The following CRHBP variants were observed in gnomAD, a reference collection of about 807,000 sequenced individuals.
CRHBP encodes the protein corticotropin-releasing hormone-binding protein.
A neutral mutation model predicts 34.9 loss-of-function variants in CRHBP; 19 were observed. The observed-to-expected ratio is 0.55, with a 90% confidence interval of 0.38 to 0.80. CRHBP has a LOEUF of 0.80. Among genes scored for constraint, CRHBP ranks in the 30% least tolerant of loss-of-function variants. The pLI, the probability that CRHBP is intolerant of heterozygous loss-of-function variation, is 0.00. For missense variants in CRHBP, 328 were observed against 409.2 expected, an observed-to-expected ratio of 0.80 and a Z score of 1.71; for synonymous variants, 154 against 153.4, an observed-to-expected ratio of 1.00 and a Z score of -0.03.
chr5:76,954,309 T>C, intron 3 of CRHBP, 123 bp downstream of exon 3: 2 of 1,193,800 alleles, frequency 1.7e-6, no homozygotes, highest in Non-Finnish European at 2.3e-6. Flanking sequence ...TCTTAGACAC[T>C]TCGCTGGTGC....
intron 6 of CRHBP, among the ~76,000 whole-genome samples, chr5:76,967,845 C>T (rs1475536198): frequency 4.0e-5 from 6 of 151,886 alleles, no homozygotes; most frequent in Middle Eastern, 3.4e-3. Flanking sequence ...ACTACAGGTG[C>T]GCACCACCAT....
intron 3 of CRHBP, among the ~76,000 whole-genome samples, chr5:76,979,008 G>T (rs928954284): frequency 1.3e-5 from 2 of 152,200 alleles, no homozygotes; most frequent in African/African-American, 4.8e-5. Flanking sequence ...AATTGCCACA[G>T]CTGTTCCAGC....
chr5:76,957,662 G>A (rs1454125353), intron 4 of CRHBP, among the ~76,000 whole-genome samples: 1 of 152,146 alleles, frequency 6.6e-6, no homozygotes, highest in Non-Finnish European at 1.5e-5. Context: ...GGGATTACAG[G>A]CGTGAGCCAC....
intron 4 of CRHBP, among the ~76,000 whole-genome samples, chr5:76,957,414 T>C (rs961350236): frequency 4.6e-5 from 7 of 152,190 alleles, no homozygotes; most frequent in African/African-American, 1.7e-4. Context: ...TGAGACGGAG[T>C]GTTGCTCTGT....
At chr5:76,974,870 A>G (rs1746001722) in intron 2 of CRHBP, among the ~76,000 whole-genome samples, 1 of 152,224 alleles carries the variant, frequency 6.6e-6, no homozygotes, top group Non-Finnish European at 1.5e-5. Context: ...AAGCTTGATT[A>G]GAGGATTTGA....
chr5:76,978,463 G>A (rs1746072770), intron 3 of CRHBP, among the ~76,000 whole-genome samples: 1 of 152,170 alleles, frequency 6.6e-6, no homozygotes, highest in South Asian at 2.1e-4. Flanking sequence ...GAACAACAAA[G>A]CCTGGATGAT....
chr5:76,958,112 T>C (rs1246700506), intron 4 of CRHBP, among the ~76,000 whole-genome samples: 1 of 151,434 alleles, frequency 6.6e-6, no homozygotes, highest in Non-Finnish European at 1.5e-5. Context: ...TGAGCTGAGA[T>C]GGTGCCACTG....
intron 6 of CRHBP, among the ~76,000 whole-genome samples, chr5:76,968,007 G>T (rs994074916): frequency 1.3e-5 from 2 of 151,700 alleles, no homozygotes; most frequent in African/African-American, 2.4e-5. Context: ...GAATAAGATT[G>T]GATTTAAGAG....
At chr5:76,953,726 C>A in intron 2 of CRHBP, 32 bp downstream of exon 2, 2 of 1,570,542 alleles carry the variant, frequency 1.3e-6, no homozygotes, top group South Asian at 1.2e-5. Context: ...CGCGGGCGCC[C>A]GGGACGCGGG....
chr5:76,961,950 C>T (rs1351545343), intron 5 of CRHBP, among the ~76,000 whole-genome samples: 1 of 152,124 alleles, frequency 6.6e-6, no homozygotes. Context: ...GACGGGGTTT[C>T]ACCGTGTTGG....
At chr5:76,976,618 C>T (rs1299744979) in intron 3 of CRHBP, 1 of 152,158 alleles carries the variant, frequency 6.6e-6, no homozygotes, top group Non-Finnish European at 1.5e-5. Context: ...AACAGGAGCA[C>T]CTACGTTTTA....
At chr5:76,969,766 T>C (rs1302404064), downstream of CRHBP, among the ~76,000 whole-genome samples, 1 of 152,136 alleles carries the variant, frequency 6.6e-6, no homozygotes. Context: ...GCAAGGACCT[T>C]ACAACAACTC....
chr5:76,980,692 C>G (rs1002205358), intron 3 of CRHBP, among the ~76,000 whole-genome samples: 2 of 152,088 alleles, frequency 1.3e-5, no homozygotes, highest in Non-Finnish European at 2.9e-5. Flanking sequence ...AAATTACTTC[C>G]GTAAGTTGGG....
chr5:76,954,151 G>A lies in CRHBP; in HGVS notation c.298G>A (p.Val100Ile). The change falls in exon 3 of 7, where the codon GTC (valine) becomes ATC (isoleucine). Residue 100 changes from valine to isoleucine, a missense_variant. Val to Ile is a conservative substitution (Grantham distance 29, BLOSUM62 3). Transcript: ENST00000274368. ...EEFITIHYDQ[V>I]SIDCQGGDFL... Reference sequence around the variant, plus strand: ...GTTCATTACCATCCACTACGACCAGGTCTCCATCGACTGTCAGGGCGGCGA... The same window carrying A: ...GTTCATTACCATCCACTACGACCAGATCTCCATCGACTGTCAGGGCGGCGA... 2 of 1,613,868 alleles carry A rather than the reference G, an allele frequency of 1.2e-6. No homozygotes were observed. Among genetic ancestry groups the A allele is most frequent in the Non-Finnish European group, 1.7e-6 (2 of 1,179,878 alleles).
intron 3 of CRHBP, among the ~76,000 whole-genome samples, chr5:76,955,239 C>G (rs553491914): frequency 6.6e-6 from 1 of 152,210 alleles, no homozygotes; most frequent in East Asian, 1.9e-4. Context: ...TATCTATTTT[C>G]AAGATATTTT....
rs1346656940 is a variant in CRHBP, at chr5:76,963,326, C to T, written c.694-17C>T. On this transcript the variant is annotated splice_polypyrimidine_tract_variant and intron_variant, in intron 5 of 6. Coordinates refer to ENST00000274368, the MANE Select transcript of CRHBP (RefSeq NM_001882.4). ...ATTGGTTTAAATGTGTCTTTCTCTG[C>T]TGCTTTATTCCCTTAGAAATCCTCA... 6.2e-7 allele frequency: 1 copy of T among 1,606,656 alleles called. No homozygotes were observed. Among genetic ancestry groups the T allele is most frequent in the Non-Finnish European group, 8.5e-7 (1 of 1,173,350 alleles).
intron 3 of CRHBP, among the ~76,000 whole-genome samples, chr5:76,980,394 C>T (rs1002256290): frequency 6.6e-6 from 1 of 152,176 alleles, no homozygotes; most frequent in South Asian, 2.1e-4. Context: ...GCACCGCTCT[C>T]AGGGAGGGTT....
chr5:76,957,465 C>A (rs776740324), intron 4 of CRHBP, among the ~76,000 whole-genome samples: 23 of 152,306 alleles, frequency 1.5e-4, no homozygotes, highest in Admixed American at 9.2e-4. Context: ...TGGCTCACTG[C>A]AACCTCTGCC....
downstream of CRHBP, among the ~76,000 whole-genome samples, chr5:76,969,746 T>C (rs943837465): frequency 2.0e-5 from 3 of 152,126 alleles, no homozygotes; most frequent in African/African-American, 7.2e-5. Context: ...TATACATTTC[T>C]ACAAAGACAG....
Sources: gnomAD v4.1 joint callset for allele counts (sites outside exome capture counted in the v4.1 genomes callset) on GRCh38, gnomAD v4.1.1 for gene constraint, MANE v1.5 for transcripts, NCBI Gene and HGNC (gene_info 2026-07-23, HGNC 2026-07-21) for gene names.